HDAC9: variants seen among roughly 807,000 people sequenced by gnomAD.
HDAC9 encodes the protein MEF-2 interacting transcription repressor (MITR) protein.
A neutral mutation model predicts 139.4 loss-of-function variants in HDAC9; 41 were observed. The ratio of observed to expected loss-of-function variants is 0.29; its 90% CI spans 0.23 to 0.38. The LOEUF is 0.38. HDAC9 is among the 10% of genes least tolerant of loss of function. The pLI is 1.00. For missense variants in HDAC9, 1,147 were observed against 1,297.0 expected (o/e 0.88, Z 1.78); for synonymous variants, 517 against 476.2 (o/e 1.09, Z -1.12).
intron 1 of HDAC9, among the ~76,000 whole-genome samples, chr7:18,102,394 G>A (rs1442827905): frequency 6.6e-6 from 1 of 152,134 alleles, no homozygotes. Flanking sequence ...AAATAATTTT[G>A]TAAGAACAAA....
chr7:18,162,437 G>A, intron 2 of HDAC9: 1 of 1,283,316 alleles, frequency 7.8e-7, no homozygotes, highest in Non-Finnish European at 1.1e-6. Flanking sequence ...TTTAATTTAT[G>A]AAGGAACTTT....
At chr7:18,655,551 A>G (rs192674225) in intron 11 of HDAC9, among the ~76,000 whole-genome samples, 9 of 152,178 alleles carry the variant, frequency 5.9e-5, no homozygotes, top group Non-Finnish European at 4.4e-5. Context: ...GTATTTCACT[A>G]TATAATTACA....
chr7:18,527,469 G>A (rs1267314716), intron 2 of HDAC9, among the ~76,000 whole-genome samples: 2 of 152,082 alleles, frequency 1.3e-5, no homozygotes, highest in Admixed American at 1.3e-4. Context: ...AGATTTGAAA[G>A]TCACTGAACG....
chr7:18,747,570 T>C (rs1056562649), intron 13 of HDAC9, among the ~76,000 whole-genome samples: 1 of 152,172 alleles, frequency 6.6e-6, no homozygotes, highest in Non-Finnish European at 1.5e-5. Flanking sequence ...CATTTTCACT[T>C]TATGAAAACC....
intron 22 of HDAC9, among the ~76,000 whole-genome samples, chr7:18,917,068 G>T (rs554757040): frequency 6.6e-6 from 1 of 152,156 alleles, no homozygotes; most frequent in African/African-American, 2.4e-5. Flanking sequence ...GTTTCAATAT[G>T]CTCTTAGAAG....
intron 2 of HDAC9, chr7:18,517,520 C>T (rs1209665546): frequency 6.6e-6 from 1 of 152,166 alleles, no homozygotes; most frequent in African/African-American, 2.4e-5. Context: ...TCTAGTATGG[C>T]TGCTCTCATA....
intron 1 of HDAC9, among the ~76,000 whole-genome samples, chr7:18,397,809 G>A (rs1311425574): frequency 6.6e-6 from 1 of 152,104 alleles, no homozygotes; most frequent in African/African-American, 2.4e-5. Context: ...ACATTCCTGA[G>A]TGTTATTGAC....
At chr7:18,210,465 C>T (rs1405161096) in intron 2 of HDAC9, among the ~76,000 whole-genome samples, 3 of 152,064 alleles carry the variant, frequency 2.0e-5, no homozygotes, top group South Asian at 2.1e-4. Context: ...AAATATAACT[C>T]GCATTTTACC....
At chr7:18,196,454 TG>T (rs778342629) in intron 2 of HDAC9, among the ~76,000 whole-genome samples, 2 of 152,092 alleles carry the variant, frequency 1.3e-5, no homozygotes, top group Non-Finnish European at 1.5e-5. Context: ...GAATGTACAG[TG>T]CTTTCAGAGA....
Position 18,371,379 on chromosome 7 carries a change from A to C in HDAC9, c.-42+80864A>C, listed in dbSNP as rs928062498. Among the ~76,000 whole-genome samples, 7 of 152,194 alleles carry C rather than the reference A, an allele frequency of 4.6e-5. 1 individual carries two copies. The highest frequency in any genetic ancestry group is 4.6e-4 in the Admixed American group (7 of 15,268). On this transcript the variant is annotated intron_variant, in intron 1 of 3. Transcript: ENST00000413509. ...GAAGATAAATGAATTTTTCAAAATC[A>C]ACTTTTTTCCACTAAAATTCTGGTT...
chr7:18,564,576 T>C (rs1370876844), intron 2 of HDAC9, among the ~76,000 whole-genome samples: 5 of 152,282 alleles, frequency 3.3e-5, no homozygotes, highest in Admixed American at 2.6e-4. Flanking sequence ...ATAGAAGATG[T>C]CCATTTTTAT....
intron 2 of HDAC9, among the ~76,000 whole-genome samples, chr7:18,204,771 C>T (rs924559579): frequency 1.3e-5 from 2 of 151,856 alleles, no homozygotes; most frequent in Non-Finnish European, 2.9e-5. Flanking sequence ...TGTTTATCCC[C>T]TGTATGTAAC....
At chr7:18,992,761 C>G (rs980484850) in intron 25 of HDAC9, among the ~76,000 whole-genome samples, 76 of 151,704 alleles carry the variant, frequency 5.0e-4, no homozygotes, top group African/African-American at 1.7e-3. Context: ...ATTGATCCTT[C>G]TTTAGGATAT....
chr7:18,750,964 C>A (rs182839588), intron 14 of HDAC9, among the ~76,000 whole-genome samples: 1 of 152,206 alleles, frequency 6.6e-6, no homozygotes, highest in African/African-American at 2.4e-5. Flanking sequence ...CTGATCATAG[C>A]CTTCGAATGC....
At chr7:18,574,263 C>T (rs1825271764) in intron 2 of HDAC9, among the ~76,000 whole-genome samples, 1 of 152,188 alleles carries the variant, frequency 6.6e-6, no homozygotes, top group Non-Finnish European at 1.5e-5. Flanking sequence ...TAGCTCCTTC[C>T]CCCAGTCAGT....
rs1427461040 is a variant in HDAC9 at position 19,000,079 on chromosome 7, T to C, written c.*4017T>C. On this transcript the variant is annotated 3_prime_UTR_variant, in exon 26 of 26. Transcript: ENST00000686413. ...ACCTGTTGAACTATTTTCATAAAGA[T>C]GGCGTTTTCACTTTCAAAAGAAATG... The C allele has an allele frequency of 1.3e-5, 2 of 152,336 alleles. No homozygotes were observed. The highest frequency in any genetic ancestry group is 4.8e-5 in the African/African-American group (2 of 41,568). The allele number at this position is 152,336 out of a possible 1,614,324, so 9.4% of individuals were successfully genotyped here.
intron 22 of HDAC9, among the ~76,000 whole-genome samples, chr7:18,875,561 C>A (rs974372166): frequency 4.6e-5 from 7 of 152,264 alleles, no homozygotes; most frequent in Non-Finnish European, 7.4e-5. Context: ...GTTCTAGTAA[C>A]ATTGTTAGGT....
At chr7:18,613,087 A>G (rs1837610174) in intron 6 of HDAC9, among the ~76,000 whole-genome samples, 1 of 148,054 alleles carries the variant, frequency 6.8e-6, no homozygotes, top group African/African-American at 2.4e-5. Context: ...ATATATTTAT[A>G]TTTCTCTTTT....
At chr7:18,108,826 T>A (rs1443664447) in intron 1 of HDAC9, among the ~76,000 whole-genome samples, 1 of 152,142 alleles carries the variant, frequency 6.6e-6, no homozygotes, top group Non-Finnish European at 1.5e-5. Context: ...TTCACCATGT[T>A]GGTCAGGTTG....
Sources: gnomAD v4.1 joint callset for allele counts (sites outside exome capture counted in the v4.1 genomes callset) on GRCh38, gnomAD v4.1.1 for gene constraint, MANE v1.5 for transcripts, NCBI Gene and HGNC (gene_info 2026-07-23, HGNC 2026-07-21) for gene names.